DAP3: variants seen among roughly 807,000 people sequenced by gnomAD.
DAP3 encodes the protein small ribosomal subunit protein mS29.
Under a neutral mutation model 51.9 loss-of-function variants are expected in DAP3, and 28 were observed. That is an observed-to-expected ratio of 0.54 (90% confidence interval 0.40 to 0.74). DAP3 has a LOEUF of 0.74. DAP3 is among the 30% of genes least tolerant of loss of function. The pLI, the probability that DAP3 is intolerant of heterozygous loss-of-function variation, is 0.00. For synonymous variants in DAP3, 170 were observed against 170.3 expected, an observed-to-expected ratio of 1.00 and a Z score of 0.01; for missense variants, 458 against 483.5, an observed-to-expected ratio of 0.95 and a Z score of 0.49.
intron 1 of DAP3, among the ~76,000 whole-genome samples, chr1:155,702,705 T>G (rs1655463709): frequency 6.6e-6 from 1 of 152,006 alleles, no homozygotes; most frequent in Non-Finnish European, 1.5e-5. Context: ...GCACGATGGC[T>G]CACGCCTGTA....
rs183536727 is a variant in DAP3 at position 155,716,247 on chromosome 1, A to G, written c.46-759A>G. 8.8e-4 allele frequency among the ~76,000 whole-genome samples: 134 copies of G among 152,338 alleles called. 1 individual carries two copies. The highest frequency in any genetic ancestry group is 3.1e-3 in the African/African-American group (128 of 41,592). On this transcript the variant is annotated intron_variant, in intron 2 of 12. Coordinates refer to ENST00000368336, the MANE Select transcript of DAP3 (RefSeq NM_004632.4). ...TTGGACTTAGTGAATTTTAAATAAT[A>G]ACAGGGATCCTTTTTACATAGAAGA...
At chr1:155,714,633 C>T (rs1036280175) in intron 2 of DAP3, among the ~76,000 whole-genome samples, 4 of 151,942 alleles carry the variant, frequency 2.6e-5, no homozygotes, top group African/African-American at 4.8e-5. Flanking sequence ...GGCGTGATGG[C>T]GGGCGCCTGT....
chr1:155,736,591 A>T, intron 11 of DAP3: 1 of 262,028 alleles, frequency 3.8e-6, no homozygotes, highest in Non-Finnish European at 7.4e-6. Flanking sequence ...TAATTTTTGT[A>T]TTTTCTGTCG....
At position 155,727,603 on chromosome 1, in the gene DAP3, T is replaced by A. The variant is rs1375593795; in HGVS notation, c.473-5T>A. On this transcript the variant is annotated splice_region_variant and splice_polypyrimidine_tract_variant and intron_variant, in intron 6 of 12. Transcript: ENST00000368336. Reference sequence around the variant, plus strand: ...CTTGTTTTCTTCTGCCTCTTTTTTTTAAAGCTCATCTTTGGGTGAAAAATT... The same window carrying A: ...CTTGTTTTCTTCTGCCTCTTTTTTTAAAAGCTCATCTTTGGGTGAAAAATT... 3 of 1,610,044 alleles carry A rather than the reference T, an allele frequency of 1.9e-6. No individual in the cohort carries two copies. Among genetic ancestry groups the A allele is most frequent in the South Asian group, 1.1e-5 (1 of 90,214 alleles).
intron 9 of DAP3, among the ~76,000 whole-genome samples, chr1:155,729,641 C>A (rs561944020): frequency 2.6e-5 from 4 of 152,038 alleles, no homozygotes; most frequent in Non-Finnish European, 4.4e-5. Context: ...TAGCCGGTAG[C>A]TGGCATGGTG....
At chr1:155,694,772 A>G (rs1654304803) in intron 1 of DAP3, among the ~76,000 whole-genome samples, 1 of 152,190 alleles carries the variant, frequency 6.6e-6, no homozygotes, top group South Asian at 2.1e-4. Context: ...TCCCCATGTT[A>G]TATCTCTCTT....
chr1:155,711,921 G>A (rs993095651), intron 2 of DAP3, among the ~76,000 whole-genome samples: 2 of 151,390 alleles, frequency 1.3e-5, no homozygotes, highest in East Asian at 3.9e-4. Flanking sequence ...ATCTAGCTCA[G>A]GAGAAAGATG....
chr1:155,716,283 C>T (rs562971163), intron 2 of DAP3, among the ~76,000 whole-genome samples: 11 of 152,224 alleles, frequency 7.2e-5, no homozygotes, highest in Non-Finnish European at 1.3e-4. Context: ...AAAATGTTGC[C>T]GGGCGCGGTG....
At chr1:155,688,429 T>TC (rs1239871124), upstream of DAP3, 3 of 1,546,574 alleles carry the variant, frequency 1.9e-6, no homozygotes, top group Non-Finnish European at 2.6e-6. Flanking sequence ...CTCGCGTTCT[T>TC]CCCCACGGTC....
intron 9 of DAP3, 148 bp from the exon 10 acceptor site, chr1:155,731,208 A>G: frequency 1.5e-6 from 1 of 647,204 alleles, no homozygotes; most frequent in Non-Finnish European, 2.7e-6. Context: ...TGGAGGTTGC[A>G]GTGAGCCCAA....
intron 3 of DAP3, among the ~76,000 whole-genome samples, chr1:155,719,099 A>G (rs1211368565): frequency 6.6e-6 from 1 of 152,160 alleles, no homozygotes; most frequent in Non-Finnish European, 1.5e-5. Flanking sequence ...ATTCTTGGCT[A>G]AGATAAATGA....
Position 155,700,732 on chromosome 1 carries a change from C to T in DAP3, c.-7-9041C>T, listed in dbSNP as rs1156438630. Among the ~76,000 whole-genome samples, 24 of 143,302 alleles carry T rather than the reference C, an allele frequency of 1.7e-4. 1 individual carries two copies. The highest frequency in any genetic ancestry group is 3.6e-4 in the African/African-American group (14 of 38,740). The allele number at this position is 143,302 out of a possible 152,430, so 94.0% of individuals were successfully genotyped here. On this transcript the variant is annotated intron_variant, in intron 1 of 12. Transcript: ENST00000368336. Reference sequence around the variant, plus strand: ...CCCCAACCCGGCCAGCCGCCCCGTCCGGGAGGGAGGTGGGGGGGTCAGCCC... The same window carrying T: ...CCCCAACCCGGCCAGCCGCCCCGTCTGGGAGGGAGGTGGGGGGGTCAGCCC...
chr1:155,701,917 T>C (rs1655336227), intron 1 of DAP3, among the ~76,000 whole-genome samples: 1 of 150,424 alleles, frequency 6.6e-6, no homozygotes, highest in South Asian at 2.1e-4. Flanking sequence ...CGTAGTGCTT[T>C]TAAACAGGAA....
rs1319506497 is a variant in DAP3 at position 155,716,389 on chromosome 1, TACTAAAAATACAC to T, written c.46-616_46-604del. 1.2e-3 allele frequency among the ~76,000 whole-genome samples: 182 copies of T among 151,438 alleles called. 1 individual carries two copies. Among genetic ancestry groups the T allele is most frequent in the Non-Finnish European group, 1.9e-3 (131 of 67,858 alleles). On this transcript the variant is annotated intron_variant, in intron 2 of 12. Transcript: ENST00000368336. ...ATCCTGGCTAACACAGTGAAACCCC[TACTAAAAATACAC>T]CTCTACTAAAAATACAAAAAATTAG...
chr1:155,690,806 C>T (rs1653697251), intron 1 of DAP3, among the ~76,000 whole-genome samples: 1 of 142,284 alleles, frequency 7.0e-6, no homozygotes, highest in East Asian at 1.9e-4. Flanking sequence ...GTAGTGCAGT[C>T]CTGGCTCACT....
chr1:155,708,285 G>A (rs1216351590), intron 1 of DAP3, among the ~76,000 whole-genome samples: 1 of 152,136 alleles, frequency 6.6e-6, no homozygotes, highest in African/African-American at 2.4e-5. Flanking sequence ...CTGACCTCAG[G>A]TGATCCACCT....
upstream of DAP3, chr1:155,689,031 T>C: frequency 6.3e-7 from 1 of 1,578,032 alleles, no homozygotes; most frequent in Non-Finnish European, 8.6e-7. Context: ...CGGCCGGTGG[T>C]TGGAGGCCGC....
Position 155,729,254 on chromosome 1 carries a change from T to C in DAP3, c.731T>C (p.Leu244Pro). The C allele has an allele frequency of 6.2e-7, 1 of 1,614,196 alleles. No homozygotes were observed. The highest frequency in any genetic ancestry group is 8.5e-7 in the Non-Finnish European group (1 of 1,180,040). ...RNATDAVGIV[L>P]KELKRQSSLG... Reference sequence around the variant, plus strand: ...GCCACAGATGCAGTTGGAATTGTGCTGAAAGAGCTAAAGAGGCAAAGTTCT... The same window carrying C: ...GCCACAGATGCAGTTGGAATTGTGCCGAAAGAGCTAAAGAGGCAAAGTTCT... Residue 244 changes from leucine (L) to proline (P), a missense_variant, in exon 9 of 13, where the codon CTG (leucine) becomes CCG (proline). By Grantham distance (98) the Leu-to-Pro change is moderately conservative. Coordinates refer to ENST00000368336, the MANE Select transcript of DAP3 (RefSeq NM_004632.4).
intron 1 of DAP3, among the ~76,000 whole-genome samples, chr1:155,691,302 A>AC (rs1336978016): frequency 7.0e-6 from 1 of 141,888 alleles, no homozygotes; most frequent in Admixed American, 6.6e-5. Context: ...TCTCGCAACC[A>AC]CTAAATCAGT....
Sources: allele counts gnomAD v4.1 joint callset (sites outside exome capture counted in the v4.1 genomes callset), GRCh38; gene constraint gnomAD v4.1.1; transcripts MANE v1.5; gene names NCBI Gene and HGNC (gene_info 2026-07-23, HGNC 2026-07-21).